The following ERBB4 variants were observed in gnomAD, a reference collection of about 807,000 sequenced individuals.
ERBB4 encodes the protein erb-b2 receptor tyrosine kinase 4.
Under a neutral mutation model 158.0 loss-of-function variants are expected in ERBB4, and 42 were observed. The observed-to-expected ratio is 0.27, with a 90% CI of 0.21 to 0.34. The LOEUF (loss-of-function observed/expected upper bound fraction) is 0.34. Ranked by LOEUF, ERBB4 falls within the 10% of genes least tolerant of loss-of-function variation. ERBB4 has a pLI of 1.00. For missense variants in ERBB4, 1,333 were observed against 1,624.1 expected, an observed-to-expected ratio of 0.82 and a Z score of 3.08; for synonymous variants, 583 against 558.7, an observed-to-expected ratio of 1.04 and a Z score of -0.61.
chr2:212,006,937 T>C (rs2076273799), intron 2 of ERBB4, among the ~76,000 whole-genome samples: 1 of 152,062 alleles, frequency 6.6e-6, no homozygotes, highest in African/African-American at 2.4e-5. Flanking sequence ...GAAAACATTT[T>C]GCTAGAGTTC....
intron 5 of ERBB4, among the ~76,000 whole-genome samples, chr2:211,734,909 C>CAAAAAAAAAAA (rs570006497): frequency 4.3e-5 from 3 of 69,286 alleles, no homozygotes; most frequent in Non-Finnish European, 2.6e-5. Context: ...GAGACTCTGT[C>CAAAAAAAAAAA]AAAAAAAAAA....
chr2:211,670,633 A>G (rs1380916986), intron 14 of ERBB4, among the ~76,000 whole-genome samples: 2 of 152,194 alleles, frequency 1.3e-5, no homozygotes, highest in African/African-American at 2.4e-5. Context: ...AAAGGTCTCA[A>G]TACTACAGAA....
At chr2:212,532,470 AC>A (rs375528129) in intron 1 of ERBB4, among the ~76,000 whole-genome samples, 270 of 141,388 alleles carry the variant, frequency 1.9e-3, no homozygotes, top group African/African-American at 7.4e-3. Flanking sequence ...AGGTCCACTT[AC>A]AAAAATAATT....
At chr2:211,942,955 T>C (rs2080547180) in intron 3 of ERBB4, among the ~76,000 whole-genome samples, 1 of 152,160 alleles carries the variant, frequency 6.6e-6, no homozygotes, top group Non-Finnish European at 1.5e-5. Flanking sequence ...ACCACATTTA[T>C]CTATTTTATA....
intron 1 of ERBB4, among the ~76,000 whole-genome samples, chr2:212,362,333 A>C (rs953897564): frequency 6.6e-6 from 1 of 151,430 alleles, no homozygotes; most frequent in Admixed American, 6.6e-5. Flanking sequence ...AAGAAAACAC[A>C]AATAGGGCTT....
chr2:211,435,496 C>T (rs886803627), intron 20 of ERBB4, among the ~76,000 whole-genome samples: 1 of 152,188 alleles, frequency 6.6e-6, no homozygotes, highest in African/African-American at 2.4e-5. Flanking sequence ...AACCCCTGGG[C>T]CATGGAGCAG....
chr2:211,913,775 A>G (rs916841339), intron 3 of ERBB4, among the ~76,000 whole-genome samples: 4 of 151,574 alleles, frequency 2.6e-5, no homozygotes, highest in Admixed American at 6.6e-5. Context: ...AAAGAACTGA[A>G]TGCTATGATT....
chr2:211,669,795 C>T (rs12476100), intron 14 of ERBB4, among the ~76,000 whole-genome samples: 47,277 of 151,942 alleles, frequency 0.31, 8,851 homozygotes, highest in East Asian at 0.88. Context: ...GGACAAAAAA[C>T]TGAGATGTAC....
intron 1 of ERBB4, among the ~76,000 whole-genome samples, chr2:212,136,208 T>C (rs2080266629): frequency 1.3e-5 from 2 of 152,222 alleles, no homozygotes; most frequent in Admixed American, 1.3e-4. Context: ...TATACTCACA[T>C]ATCAAGGTGG....
At chr2:211,498,121 C>A (rs2065520253) in intron 20 of ERBB4, among the ~76,000 whole-genome samples, 1 of 152,044 alleles carries the variant, frequency 6.6e-6, no homozygotes, top group Non-Finnish European at 1.5e-5. Context: ...TAGTGAGAGA[C>A]TTCTGTGTCT....
chr2:212,137,923 G>A (rs923792826), intron 1 of ERBB4, among the ~76,000 whole-genome samples: 2 of 152,146 alleles, frequency 1.3e-5, no homozygotes, highest in East Asian at 1.9e-4. Flanking sequence ...TCTGTCATTC[G>A]TTTATTCGTT....
At chr2:212,433,266 C>T (rs981545213) in intron 1 of ERBB4, among the ~76,000 whole-genome samples, 1 of 151,952 alleles carries the variant, frequency 6.6e-6, no homozygotes, top group Non-Finnish European at 1.5e-5. Flanking sequence ...ATTTAAGTTT[C>T]AGTTTACATC....
Position 211,459,574 on chromosome 2 carries a change from G to A in ERBB4, c.2488-28474C>T, listed in dbSNP as rs115076761. Reference sequence around the variant, plus strand: ...AGGTTTCCCCCATATTGCTCACATGGTAGTGAATAAATCTCACGAGGTCTG... The same window carrying A: ...AGGTTTCCCCCATATTGCTCACATGATAGTGAATAAATCTCACGAGGTCTG... On this transcript the variant is annotated intron_variant, in intron 20 of 27. Coordinates refer to ENST00000342788, the MANE Select transcript of ERBB4 (RefSeq NM_005235.3). Among the ~76,000 whole-genome samples the A allele has an allele frequency of 2.5e-3, 388 of 152,210 alleles. 2 individuals carry two copies. Among genetic ancestry groups the A allele is most frequent in the African/African-American group, 9.0e-3 (375 of 41,516 alleles).
At chr2:212,440,303 G>A (rs1383228715) in intron 1 of ERBB4, among the ~76,000 whole-genome samples, 2 of 152,186 alleles carry the variant, frequency 1.3e-5, no homozygotes, top group Admixed American at 1.3e-4. Context: ...ATACAAAGCA[G>A]GCAGAAAAAT....
At chr2:212,362,339 G>A (rs2089719660) in intron 1 of ERBB4, among the ~76,000 whole-genome samples, 1 of 151,100 alleles carries the variant, frequency 6.6e-6, no homozygotes, top group Admixed American at 6.6e-5. Context: ...ACACAAATAG[G>A]GCTTACAATA....
At chr2:212,092,427 C>T (rs550564251) in intron 2 of ERBB4, among the ~76,000 whole-genome samples, 5 of 152,170 alleles carry the variant, frequency 3.3e-5, no homozygotes, top group African/African-American at 1.2e-4. Flanking sequence ...TAGAGTGTTA[C>T]AATCAAGTTC....
chr2:212,033,590 A>G (rs1213875153), intron 2 of ERBB4, among the ~76,000 whole-genome samples: 2 of 151,864 alleles, frequency 1.3e-5, no homozygotes, highest in Non-Finnish European at 2.9e-5. Flanking sequence ...TTTAAAATAA[A>G]TTGAGTTATT....
rs1191539182 is a variant in ERBB4 at position 211,755,613 on chromosome 2, AT to A, written c.557-4910del. Among the ~76,000 whole-genome samples, 9 of 152,378 alleles carry A rather than the reference AT, an allele frequency of 5.9e-5. No homozygotes were observed. The South Asian group carries it at 1.7e-3, about 28-fold the overall frequency. ...CCTCTGCTTTCACAATGCATTATTC[AT>A]CATGGAAGCTGGCAAACGTGACTAA... On this transcript the variant is annotated intron_variant, in intron 4 of 27. Transcript: ENST00000342788.
intron 1 of ERBB4, among the ~76,000 whole-genome samples, chr2:212,128,693 T>G (rs1341084471): frequency 6.6e-6 from 1 of 152,224 alleles, no homozygotes; most frequent in Non-Finnish European, 1.5e-5. Flanking sequence ...TTAACTATTG[T>G]GCTTGGTTTG....
Sources: allele counts gnomAD v4.1 joint callset (sites outside exome capture counted in the v4.1 genomes callset), GRCh38; gene constraint gnomAD v4.1.1; transcripts MANE v1.5; gene names NCBI Gene and HGNC (gene_info 2026-07-23, HGNC 2026-07-21).